The following NSD3 variants were observed in gnomAD, a reference collection of about 807,000 sequenced individuals.
NSD3 encodes nuclear receptor binding SET domain protein 3, also known as histone-lysine N-methyltransferase NSD3.
NSD3 carries 24 observed loss-of-function variants against 160.8 expected under a neutral mutation model. That is an observed-to-expected ratio of 0.15 (90% confidence interval 0.11 to 0.21). NSD3 has a LOEUF of 0.21. Among genes scored for constraint, NSD3 ranks in the 10% least tolerant of loss-of-function variants. The pLI is 1.00. For missense variants in NSD3, 1,157 were observed against 1,735.9 expected (o/e 0.67, Z 5.93); for synonymous variants, 520 against 600.0 (o/e 0.87, Z 1.95).
intron 1 of NSD3, among the ~76,000 whole-genome samples, chr8:38,363,334 A>G (rs1421086980): frequency 6.6e-6 from 1 of 152,182 alleles, no homozygotes; most frequent in African/African-American, 2.4e-5. Flanking sequence ...AGATTTGAAG[A>G]CTGCTGACTT....
chr8:38,315,766 A>G, intron 10 of NSD3, 146 bp downstream of exon 10: 1 of 1,304,716 alleles, frequency 7.7e-7, no homozygotes, highest in Non-Finnish European at 1.0e-6. Flanking sequence ...ATATAACATG[A>G]GAGCAAAAGA....
Position 38,290,482 on chromosome 8 carries a change from G to C in NSD3, c.3111C>G (p.Phe1037Leu). ...AEGQTSINKT[F>L]KKALEEAAKR... Reference sequence around the variant, plus strand: ...AAACATCATCCAGCTTACCCTTTTTGAAGGTCTTGTTAATACTAGTCTGCC... The same window carrying C: ...AAACATCATCCAGCTTACCCTTTTTCAAGGTCTTGTTAATACTAGTCTGCC... Residue 1037 changes from phenylalanine to leucine, a missense_variant, in exon 17 of 24, where the codon TTC becomes TTG. Phe to Leu is a conservative substitution (Grantham distance 22). This residue lies in a region of NSD3 where 437 missense variants were observed against 576.6 expected (regional missense o/e 0.76). Coordinates refer to ENST00000317025, the MANE Select transcript of NSD3 (RefSeq NM_023034.2). The C allele has an allele frequency of 6.2e-7, 1 of 1,613,748 alleles. No homozygotes were observed.
At position 38,288,844 on chromosome 8, in the gene NSD3, GCCT is replaced by G; in HGVS notation, c.3232-91_3232-89del. On this transcript the variant is annotated intron_variant, in intron 18 of 23. Transcript: ENST00000317025. This position sits in a 1 kb window ranked among gnomAD's most constrained non-coding sequence, Gnocchi z 4.5. Reference sequence around the variant, plus strand: ...GAACATCTAAAACATCCACGCTACTGCCTCGTGGTGCTACTCCGAGAAAGGTTG... The same window carrying G: ...GAACATCTAAAACATCCACGCTACTGCGTGGTGCTACTCCGAGAAAGGTTG... The G allele has an allele frequency of 6.7e-7, 1 of 1,493,910 alleles. No homozygotes were observed. Among genetic ancestry groups the G allele is most frequent in the South Asian group, 1.3e-5 (1 of 78,424 alleles). The allele number at this position is 1,493,910 out of a possible 1,614,324, so 92.5% of individuals were successfully genotyped here.
chr8:38,356,741 T>C (rs1810833352), intron 1 of NSD3, among the ~76,000 whole-genome samples: 1 of 152,200 alleles, frequency 6.6e-6, no homozygotes, highest in Non-Finnish European at 1.5e-5. Context: ...TAGAATTACA[T>C]GTTGTGCTGT....
At chr8:38,373,493 T>C (rs1434254538) in intron 1 of NSD3, among the ~76,000 whole-genome samples, 1 of 152,180 alleles carries the variant, frequency 6.6e-6, no homozygotes, top group East Asian at 1.9e-4. Flanking sequence ...AAAATGCCTA[T>C]TTCTTAAAGT....
chr8:38,329,097 C>T lies in NSD3; in HGVS notation c.1581+281G>A, dbSNP rs1809984574. On this transcript the variant is annotated intron_variant, in intron 6 of 23. Coordinates refer to ENST00000317025, the MANE Select transcript of NSD3 (RefSeq NM_023034.2). This position sits in a 1 kb window ranked among gnomAD's most constrained non-coding sequence, Gnocchi z 4.8. ...GCAAACTAGAAACAGGCAAAGTGCC[C>T]AGTTTTTTTCCATGACTTTAGGGAG... 6.6e-6 allele frequency among the ~76,000 whole-genome samples: 1 copy of T among 152,172 alleles called. No individual in the cohort carries two copies. The highest frequency in any genetic ancestry group is 2.4e-5 in the African/African-American group (1 of 41,422).
chr8:38,331,955 T>C (rs546166811), intron 4 of NSD3, among the ~76,000 whole-genome samples: 10 of 152,252 alleles, frequency 6.6e-5, no homozygotes, highest in Admixed American at 3.9e-4. Context: ...AGAGACATGG[T>C]CTCACTCTAT....
chr8:38,382,025 G>A lies in NSD3; in HGVS notation c.-271C>T, dbSNP rs1305915753. Reference sequence around the variant, plus strand: ...GCCACGGCCGGGCCGGGCCGGGCGTGCTGCGGGAAGAGGAAGGCTCGGGAG... The same window carrying A: ...GCCACGGCCGGGCCGGGCCGGGCGTACTGCGGGAAGAGGAAGGCTCGGGAG... On this transcript the variant is annotated 5_prime_UTR_variant, in exon 1 of 24. Transcript: ENST00000317025. This position sits in a 1 kb window ranked among gnomAD's most constrained non-coding sequence, Gnocchi z 4.2. 2 of 152,636 alleles carry A rather than the reference G, an allele frequency of 1.3e-5. No homozygotes were observed. Among genetic ancestry groups the A allele is most frequent in the Admixed American group, 1.3e-4 (2 of 15,280 alleles). 9.5% of individuals were successfully genotyped at this position (152,636 alleles called of 1,614,324 possible).
chr8:38,276,456 C>G lies in NSD3; in HGVS notation c.3912G>C (p.Lys1304Asn). The G allele has an allele frequency of 6.2e-7, 1 of 1,614,236 alleles. No individual in the cohort carries two copies. ...STNEEKAKNA[K>N]LKQKRRKIKT... is the part of the protein sequence containing the mutation. ...TGATCTTTCGTCTCTTCTGTTTTAA[C>G]TTAGCATTTTTTGCCTTCTCTTCAT... Residue 1304 changes from lysine (K) to asparagine (N), a missense_variant, in exon 23 of 24, where the codon AAG becomes AAC. Physicochemically the swap from Lys to Asn is moderately conservative, Grantham distance 94. Around this residue, in one of 10 missense-constraint regions of NSD3, gnomAD observed 222 missense variants for 409.9 expected, o/e 0.54. Coordinates refer to ENST00000317025, the MANE Select transcript of NSD3 (RefSeq NM_023034.2).
intron 1 of NSD3, among the ~76,000 whole-genome samples, chr8:38,368,032 T>G (rs1485670727): frequency 1.3e-5 from 2 of 152,130 alleles, no homozygotes; most frequent in Non-Finnish European, 2.9e-5. Flanking sequence ...CAGGTTGGAG[T>G]GCCCTGGCAC....
intron 17 of NSD3, among the ~76,000 whole-genome samples, chr8:38,290,264 C>T (rs891232287): frequency 2.0e-5 from 3 of 151,708 alleles, no homozygotes; most frequent in Non-Finnish European, 4.4e-5. Flanking sequence ...TAGAAAGACA[C>T]TGAAGAAATT....
rs1452490845 is a variant in NSD3 at position 38,288,555 on chromosome 8, G to C, written c.3433C>G (p.Pro1145Ala). ...QNQCFTKRLY[P>A]DAEIIKTERR... The stretch of plus-strand genomic sequence containing the variant: ...TCCGTTTTGATGATCTCTGCATCAG[G>C]GTATAGTCTCTTTGTAAAGCACTGG... The change falls in exon 19 of 24, where the codon CCT (proline) becomes GCT (alanine). Residue 1145 changes from proline (P) to alanine (A), a missense_variant. Around this residue, in one of 10 missense-constraint regions of NSD3, gnomAD observed 222 missense variants for 409.9 expected, o/e 0.54. Transcript: ENST00000317025. This position sits in a 1 kb window ranked among gnomAD's most constrained non-coding sequence, Gnocchi z 4.5. The C allele has an allele frequency of 6.2e-7, 1 of 1,614,100 alleles. No individual in the cohort carries two copies. The highest frequency in any genetic ancestry group is 1.3e-5 in the African/African-American group (1 of 75,016).
chr8:38,381,638 A>T (rs951219493), intron 1 of NSD3, 161 bp downstream of exon 1: 1 of 131,072 alleles, frequency 7.6e-6, no homozygotes, highest in Non-Finnish European at 1.6e-5. Context: ...CTTTCAGGCC[A>T]CCCGCTTCCC....
chr8:38,375,278 G>A (rs1811362720), intron 1 of NSD3, among the ~76,000 whole-genome samples: 1 of 151,976 alleles, frequency 6.6e-6, no homozygotes, highest in South Asian at 2.1e-4. Flanking sequence ...ATATTAGAAG[G>A]GGGAAAAGTT....
At chr8:38,290,722 A>C in intron 16 of NSD3, 45 bp from the exon 17 acceptor site, 1 of 1,596,856 alleles carries the variant, frequency 6.3e-7, no homozygotes, top group Non-Finnish European at 8.6e-7. Flanking sequence ...AAAACGAAAC[A>C]AAAAACCACT....
intron 4 of NSD3, among the ~76,000 whole-genome samples, chr8:38,333,214 A>C (rs1810109863): frequency 6.6e-6 from 1 of 152,222 alleles, no homozygotes; most frequent in Non-Finnish European, 1.5e-5. Flanking sequence ...TAAAAGCCGA[A>C]ATTTATAGAT....
In NSD3 at chr8:38,281,490, A is replaced by C; in HGVS notation, c.3595T>G (p.Phe1199Val). 1 of 1,512,202 alleles carries C rather than the reference A, an allele frequency of 6.6e-7. No individual in the cohort carries two copies. Among genetic ancestry groups the C allele is most frequent in the Non-Finnish European group, 8.9e-7 (1 of 1,126,798 alleles). 93.7% of individuals were successfully genotyped at this position (1,512,202 alleles called of 1,614,324 possible). A position where few individuals can be genotyped will look rare whatever the true frequency, so the allele number is the denominator to read the frequency against. ...KRAHENSVTN[F>V]YMLTVTKDRI... ...ACCTTGGTAACAGTTAACATATAAA[A>C]ATTAGTTACACTGTTCTCGTGGGCT... is the stretch of plus-strand genomic sequence containing the variant. The change falls in exon 20 of 24, where the codon TTT becomes GTT. Residue 1199 changes from phenylalanine (F) to valine (V), a missense_variant. Coordinates refer to ENST00000317025, the MANE Select transcript of NSD3 (RefSeq NM_023034.2).
chr8:38,294,116 G>T (rs745724106), intron 16 of NSD3, among the ~76,000 whole-genome samples: 1 of 151,920 alleles, frequency 6.6e-6, no homozygotes, highest in Non-Finnish European at 1.5e-5. Context: ...CTGAGACAGG[G>T]TCTTGCCCTG....
chr8:38,344,818 CTTCCTT>C (rs1810473291), intron 2 of NSD3, among the ~76,000 whole-genome samples: 1 of 152,114 alleles, frequency 6.6e-6, no homozygotes, highest in Admixed American at 6.5e-5. Context: ...CTTCTTTGGG[CTTCCTT>C]TTCACTTCTC....
Sources: allele counts gnomAD v4.1 joint callset (sites outside exome capture counted in the v4.1 genomes callset), GRCh38; gene constraint gnomAD v4.1.1; regional missense constraint gnomAD v4.1.1; non-coding constraint Gnocchi (gnomAD v3.1); transcripts MANE v1.5; gene names NCBI Gene and HGNC (gene_info 2026-07-23, HGNC 2026-07-21).